The following TESK2 variants were observed in gnomAD, a reference collection of about 807,000 sequenced individuals.
TESK2 encodes the protein dual specificity testis-specific protein kinase 2.
Under a neutral mutation model 57.1 loss-of-function variants are expected in TESK2, and 39 were observed. The ratio of observed to expected loss-of-function variants is 0.68; its 90% confidence interval spans 0.53 to 0.89. TESK2 has a LOEUF of 0.89. TESK2 is among the 40% of genes least tolerant of loss of function. The pLI is 0.00. For missense variants in TESK2, 646 were observed against 732.1 expected, an observed-to-expected ratio of 0.88 and a Z score of 1.36; for synonymous variants, 249 against 267.9, an observed-to-expected ratio of 0.93 and a Z score of 0.69.
At chr1:45,428,815 G>GGTTTTT (rs1458366029) in intron 2 of TESK2, among the ~76,000 whole-genome samples, 1 of 25,544 alleles carries the variant, frequency 3.9e-5, no homozygotes, top group Non-Finnish European at 7.4e-5. Context: ...TTAAATTCCT[G>GGTTTTT]ATTTTTTTTT....
chr1:45,463,848 T>C (rs963839755), intron 1 of TESK2, among the ~76,000 whole-genome samples: 1 of 152,118 alleles, frequency 6.6e-6, no homozygotes, highest in African/African-American at 2.4e-5. Flanking sequence ...CTCAGCCTCC[T>C]AAAGTGCTGG....
chr1:45,459,185 A>T (rs564695441), intron 1 of TESK2, among the ~76,000 whole-genome samples: 1 of 152,374 alleles, frequency 6.6e-6, no homozygotes, highest in African/African-American at 2.4e-5. Flanking sequence ...CAGTCTCAAT[A>T]TGGCGGCTTT....
chr1:45,449,508 G>A (rs922551093), intron 2 of TESK2, among the ~76,000 whole-genome samples: 3 of 152,128 alleles, frequency 2.0e-5, no homozygotes, highest in African/African-American at 4.8e-5. Context: ...ATATTATTCA[G>A]TGCTAAACAG....
intron 1 of TESK2, among the ~76,000 whole-genome samples, chr1:45,465,740 T>G (rs755650559): frequency 2.0e-5 from 3 of 152,196 alleles, no homozygotes; most frequent in Non-Finnish European, 2.9e-5. Context: ...GATATTCATT[T>G]CATTTTACCA....
chr1:45,426,258 T>C (rs776039300), intron 2 of TESK2, among the ~76,000 whole-genome samples: 34 of 152,172 alleles, frequency 2.2e-4, no homozygotes, highest in African/African-American at 7.2e-4. Context: ...AACAGAAACA[T>C]AGACCAATGG....
chr1:45,367,139 A>T (rs1401986438), intron 4 of TESK2, among the ~76,000 whole-genome samples: 1 of 152,116 alleles, frequency 6.6e-6, no homozygotes, highest in Non-Finnish European at 1.5e-5. Context: ...GTCTCAAAAA[A>T]TAAATAAAAT....
chr1:45,483,002 G>A (rs1011658063), intron 1 of TESK2, among the ~76,000 whole-genome samples: 7 of 151,292 alleles, frequency 4.6e-5, no homozygotes, highest in Admixed American at 1.3e-4. Context: ...AAAAATGTCC[G>A]GGCGCAGTAG....
At chr1:45,359,036 A>G (rs560119608) in intron 4 of TESK2, among the ~76,000 whole-genome samples, 1 of 152,336 alleles carries the variant, frequency 6.6e-6, no homozygotes, top group East Asian at 1.9e-4. Flanking sequence ...CCTAAAATTT[A>G]TATCTTAATA....
chr1:45,458,170 C>T (rs891065351), intron 1 of TESK2, among the ~76,000 whole-genome samples: 5 of 152,166 alleles, frequency 3.3e-5, no homozygotes, highest in African/African-American at 4.8e-5. Context: ...AGTATAAGAG[C>T]TTGACATACA....
At chr1:45,407,356 G>C (rs1257589231) in intron 3 of TESK2, among the ~76,000 whole-genome samples, 1 of 152,094 alleles carries the variant, frequency 6.6e-6, no homozygotes, top group Non-Finnish European at 1.5e-5. Flanking sequence ...CACCGTGCCT[G>C]GCCAGCATTT....
intron 3 of TESK2, among the ~76,000 whole-genome samples, chr1:45,394,679 CTTTTTTT>C (rs5773871): frequency 4.2e-4 from 24 of 57,424 alleles, no homozygotes; most frequent in African/African-American, 1.3e-3. Flanking sequence ...ACAGGAAACT[CTTTTTTT>C]TTTTTTTTTT....
chr1:45,348,030 ATGTGG>A, intron 5 of TESK2, 30 bp from the exon 6 acceptor site: 1 of 1,471,066 alleles, frequency 6.8e-7, no homozygotes, highest in Non-Finnish European at 9.5e-7. Flanking sequence ...AGAGAAAATA[ATGTGG>A]CTCAGAAGCG....
At chr1:45,485,215 G>A (rs1364835307) in intron 1 of TESK2, among the ~76,000 whole-genome samples, 1 of 148,882 alleles carries the variant, frequency 6.7e-6, no homozygotes, top group Non-Finnish European at 1.5e-5. Context: ...TTGAGATGGA[G>A]TCTCGCTCTG....
At chr1:45,485,977 G>T (rs1225371564) in intron 1 of TESK2, among the ~76,000 whole-genome samples, 2 of 151,120 alleles carry the variant, frequency 1.3e-5, no homozygotes, top group Admixed American at 6.6e-5. Context: ...CAACAGAGTT[G>T]AATACAACTA....
intron 3 of TESK2, among the ~76,000 whole-genome samples, chr1:45,405,256 T>C (rs1649792586): frequency 6.6e-6 from 1 of 152,148 alleles, no homozygotes; most frequent in South Asian, 2.1e-4. Flanking sequence ...GCCAAGTTGA[T>C]ATCTCCTGAT....
At chr1:45,408,636 T>TA (rs1456643250) in intron 3 of TESK2, among the ~76,000 whole-genome samples, 1 of 152,218 alleles carries the variant, frequency 6.6e-6, no homozygotes, top group Non-Finnish European at 1.5e-5. Context: ...TTGTCATTTT[T>TA]AAAAAACTGT....
At chr1:45,422,822 T>C in intron 2 of TESK2, among the ~76,000 whole-genome samples, 1 of 114,858 alleles carries the variant, frequency 8.7e-6, no homozygotes, top group African/African-American at 2.9e-5. Context: ...CAGGCTAGAG[T>C]GCAGTGGCGT....
chr1:45,382,068 C>T (rs1056022170), intron 4 of TESK2, among the ~76,000 whole-genome samples: 1 of 151,724 alleles, frequency 6.6e-6, no homozygotes, highest in Non-Finnish European at 1.5e-5. Flanking sequence ...GTCTGGGTCT[C>T]ACTATGTTGC....
intron 5 of TESK2, among the ~76,000 whole-genome samples, chr1:45,349,170 G>A (rs988476928): frequency 2.0e-5 from 3 of 150,918 alleles, no homozygotes; most frequent in African/African-American, 7.3e-5. Flanking sequence ...GCTAAGACAT[G>A]CCAAGTCACC....
Sources: gnomAD v4.1 joint callset for allele counts (sites outside exome capture counted in the v4.1 genomes callset) on GRCh38, gnomAD v4.1.1 for gene constraint, MANE v1.5 for transcripts, NCBI Gene and HGNC (gene_info 2026-07-23, HGNC 2026-07-21) for gene names.